Variants in COL5A2 observed in about 807,000 individuals in gnomAD.
COL5A2 encodes collagen alpha-2(V) chain.
COL5A2 carries 23 observed loss-of-function variants against 208.2 expected under a neutral mutation model. That is an observed-to-expected ratio of 0.11 (90% CI 0.08 to 0.16). COL5A2 has a LOEUF of 0.16. COL5A2 is among the 10% of genes least tolerant of loss of function. The pLI is 1.00. For missense variants in COL5A2, 1,590 were observed against 1,956.4 expected (o/e 0.81, Z 3.53); for synonymous variants, 625 against 628.5 (o/e 0.99, Z 0.08).
At chr2:189,300,622 C>T in the COL5A2 span, among the ~76,000 whole-genome samples, 1 of 152,202 alleles carries the variant, frequency 6.6e-6, no homozygotes. Context: ...TGAGGAGCTA[C>T]AGCCAGAGGC....
the COL5A2 span, among the ~76,000 whole-genome samples, chr2:189,387,654 T>C: frequency 2.0e-5 from 3 of 152,214 alleles, no homozygotes; most frequent in East Asian, 5.8e-4. Flanking sequence ...TCTGGGACTC[T>C]AGCCTATAAA....
At chr2:189,265,612 T>G in the COL5A2 span, among the ~76,000 whole-genome samples, 14 of 152,172 alleles carry the variant, frequency 9.2e-5, no homozygotes, top group African/African-American at 3.4e-4. Flanking sequence ...GTACCTGGGG[T>G]TAAGACTTCA....
the COL5A2 span, among the ~76,000 whole-genome samples, chr2:189,383,017 T>C: frequency 8.3e-4 from 127 of 152,242 alleles, 1 homozygote; most frequent in African/African-American, 3.0e-3. Context: ...GGCTTGACCA[T>C]GGTGAGGCCA....
At chr2:189,377,547 A>T in the COL5A2 span, among the ~76,000 whole-genome samples, 2,573 of 152,342 alleles carry the variant, frequency 0.017, 75 homozygotes, top group African/African-American at 0.059. Flanking sequence ...TTGAATGAAT[A>T]AATGTTTGAA....
At chr2:189,079,855 A>G (rs1686492308) in intron 14 of COL5A2, 123 bp downstream of exon 14, 1 of 842,472 alleles carries the variant, frequency 1.2e-6, no homozygotes, top group Non-Finnish European at 2.1e-6. Context: ...ATGTTTATTT[A>G]CCTAACCATT....
chr2:189,149,639 A>G (rs1383362409), intron 1 of COL5A2, among the ~76,000 whole-genome samples: 1 of 152,238 alleles, frequency 6.6e-6, no homozygotes, highest in Non-Finnish European at 1.5e-5. Flanking sequence ...AAACATCAAC[A>G]TTATTCTGAA....
chr2:189,169,803 C>T (rs1280954385), intron 1 of COL5A2, among the ~76,000 whole-genome samples: 4 of 152,178 alleles, frequency 2.6e-5, no homozygotes, highest in African/African-American at 7.2e-5. Flanking sequence ...CCTCGCCTCC[C>T]GGGTTCAAGC....
the COL5A2 span, among the ~76,000 whole-genome samples, chr2:189,436,521 C>CAAG: frequency 6.6e-6 from 1 of 151,768 alleles, no homozygotes; most frequent in South Asian, 2.1e-4. Flanking sequence ...ACTTAAAGTA[C>CAAG]AATAATAATA....
At chr2:189,391,582 A>C in the COL5A2 span, among the ~76,000 whole-genome samples, 6 of 152,136 alleles carry the variant, frequency 3.9e-5, no homozygotes, top group Non-Finnish European at 8.8e-5. Flanking sequence ...AACTAATAAA[A>C]GTGCTTCCTT....
upstream of COL5A2, among the ~76,000 whole-genome samples, chr2:189,182,285 A>G (rs1688791607): frequency 6.6e-6 from 1 of 152,170 alleles, no homozygotes; most frequent in South Asian, 2.1e-4. Flanking sequence ...TTGTAATAAT[A>G]TGTGCTAGTG....
intron 38 of COL5A2, 105 bp downstream of exon 38, chr2:189,053,319 G>A (rs1685831448): frequency 1.9e-6 from 2 of 1,078,266 alleles, no homozygotes; most frequent in South Asian, 2.7e-5. Context: ...CTAGAAAACT[G>A]TAAATTTTCC....
At chr2:189,258,387 T>C in the COL5A2 span, among the ~76,000 whole-genome samples, 1 of 152,246 alleles carries the variant, frequency 6.6e-6, no homozygotes. Context: ...TCTAATTTTA[T>C]ATCCAAAATA....
the COL5A2 span, among the ~76,000 whole-genome samples, chr2:189,261,140 A>G: frequency 6.6e-6 from 1 of 152,162 alleles, no homozygotes; most frequent in Non-Finnish European, 1.5e-5. Flanking sequence ...GATGTAACTC[A>G]CAATCAATAT....
intron 1 of COL5A2, among the ~76,000 whole-genome samples, chr2:189,167,903 T>C (rs1688497529): frequency 6.6e-6 from 1 of 151,974 alleles, no homozygotes. Context: ...TTGCTCTTCA[T>C]TCATCAGCCT....
At chr2:189,254,653 A>G in the COL5A2 span, among the ~76,000 whole-genome samples, 4 of 151,932 alleles carry the variant, frequency 2.6e-5, no homozygotes, top group African/African-American at 9.7e-5. Context: ...GACTGCAGCC[A>G]CTCCAGGCCC....
At chr2:189,180,808 C>T (rs776542314), upstream of COL5A2, among the ~76,000 whole-genome samples, 2 of 152,154 alleles carry the variant, frequency 1.3e-5, no homozygotes, top group South Asian at 2.1e-4. Context: ...TATCGATGAA[C>T]TTTTGTGCCA....
the COL5A2 span, among the ~76,000 whole-genome samples, chr2:189,286,094 GAA>G: frequency 7.2e-6 from 1 of 137,978 alleles, no homozygotes. Flanking sequence ...ATACGTGGTT[GAA>G]AAAAAAAAAA....
chr2:189,057,024 A>G lies in COL5A2; in HGVS notation c.2340T>C (p.Gly780=), dbSNP rs994797617. 1 of 1,613,770 alleles carries G rather than the reference A, an allele frequency of 6.2e-7. No homozygotes were observed. Among genetic ancestry groups the G allele is most frequent in the Admixed American group, 1.7e-5 (1 of 60,016 alleles). Residue 780 remains glycine (G), a splice_region_variant and synonymous_variant, in exon 35 of 54, where the codon GGT becomes GGC. Coordinates refer to ENST00000374866, the MANE Select transcript of COL5A2 (RefSeq NM_000393.5). ...CTTCAGCACCTTTTTCTCCTATGCC[A>G]CCCTGGGAAAACACACAAAATACAA... ...AGTPGPKGDR[G]GIGEKGAEGT...
the COL5A2 span, among the ~76,000 whole-genome samples, chr2:189,427,957 C>A: frequency 6.6e-6 from 1 of 152,168 alleles, no homozygotes; most frequent in Non-Finnish European, 1.5e-5. Flanking sequence ...GCCTTTACCC[C>A]CATTGTATCT....
Sources: allele counts gnomAD v4.1 joint callset (sites outside exome capture counted in the v4.1 genomes callset), GRCh38; gene constraint gnomAD v4.1.1; transcripts MANE v1.5; gene names NCBI Gene and HGNC (gene_info 2026-07-23, HGNC 2026-07-21).